RNF223: variants seen among roughly 807,000 people sequenced by gnomAD.
RNF223 encodes ring finger protein 223.
In RNF223, 10 loss-of-function variants were observed where a neutral mutation model predicts 13.9. The ratio of observed to expected loss-of-function variants is 0.72; its 90% CI spans 0.44 to 1.22. The LOEUF is 1.22. Ranked by LOEUF, RNF223 falls within the 50% of genes most tolerant of loss-of-function variation. RNF223 has a pLI of 0.00. For missense variants in RNF223, 379 were observed against 380.0 expected, an observed-to-expected ratio of 1.00 and a Z score of 0.02; for synonymous variants, 168 against 173.3, an observed-to-expected ratio of 0.97 and a Z score of 0.24.
chr1:1,071,821 TTATC>T lies in RNF223; in HGVS notation c.742_745del (p.Asp248IlefsTer102). 6.7e-7 allele frequency: 1 copy of T among 1,500,686 alleles called. No homozygotes were observed. The highest frequency in any genetic ancestry group is 8.8e-7 in the Non-Finnish European group (1 of 1,130,868). 93.0% of individuals were successfully genotyped at this position (1,500,686 alleles called of 1,614,324 possible). ...CCTGGGCAGAGGCTGCTGGCCCTAA[TTATC>T]AGTCAGAGGCCCGAGGGGGGAGGCG... On this transcript the variant is annotated frameshift_variant, in exon 2 of 2. Transcript: ENST00000453464. LOFTEE classifies it high-confidence loss of function.
At chr1:1,072,971 G>C (rs1645653561) in intron 1 of RNF223, among the ~76,000 whole-genome samples, 2 of 152,262 alleles carry the variant, frequency 1.3e-5, no homozygotes, top group South Asian at 4.1e-4. Flanking sequence ...GCTCTGCAAG[G>C]CTGGGCCCAC....
At position 1,071,933 on chromosome 1, in the gene RNF223, G is replaced by A; in HGVS notation, c.634C>T (p.Leu212Phe). ...ALLLMLFCVALWPVQCALKTG... is the reference protein window; with the variant it reads ...ALLLMLFCVAFWPVQCALKTG... Reference sequence around the variant, plus strand: ...TTGAGCGCGCACTGCACCGGCCAGAGTGCCACACAGAAGAGCATCAGCAGC... The same window carrying A: ...TTGAGCGCGCACTGCACCGGCCAGAATGCCACACAGAAGAGCATCAGCAGC... The change falls in exon 2 of 2, where the codon CTC (leucine) becomes TTC (phenylalanine). Residue 212 changes from leucine (L) to phenylalanine (F), a missense_variant. Leu to Phe is a conservative substitution (Grantham distance 22, BLOSUM62 0). Transcript: ENST00000453464. 2 of 1,534,396 alleles carry A rather than the reference G, an allele frequency of 1.3e-6. No individual in the cohort carries two copies. Among genetic ancestry groups the A allele is most frequent in the Non-Finnish European group, 8.7e-7 (1 of 1,146,162 alleles).
In RNF223 at chr1:1,072,529, G is replaced by A; in HGVS notation, c.38C>T (p.Pro13Leu). The A allele has an allele frequency of 1.2e-5, 19 of 1,531,928 alleles. No individual in the cohort carries two copies. The highest frequency in any genetic ancestry group is 1.7e-5 in the Non-Finnish European group (19 of 1,145,134). 94.9% of individuals were successfully genotyped at this position (1,531,928 alleles called of 1,614,324 possible). A position where few individuals can be genotyped will look rare whatever the true frequency, so the allele number is the denominator to read the frequency against. The stretch of plus-strand genomic sequence containing the variant: ...TATGGAGCTGCTCCGGCGAGGGGGT[G>A]GCACAGCCGTGTGCCACACCTGCTG... ...SGQQVWHTAVPPPRRSSSIAS... is the reference protein window; with the variant it reads ...SGQQVWHTAVLPPRRSSSIAS... The change falls in exon 2 of 2, where the codon CCA becomes CTA. Residue 13 changes from proline to leucine, a missense_variant. Coordinates refer to ENST00000453464, the MANE Select transcript of RNF223 (RefSeq NM_001205252.2).
rs1645644516 is a variant in RNF223, at chr1:1,072,103, G to A, written c.464C>T (p.Pro155Leu). 1 of 1,515,322 alleles carries A rather than the reference G, an allele frequency of 6.6e-7. No homozygotes were observed. The highest frequency in any genetic ancestry group is 1.2e-5 in the South Asian group (1 of 81,460). 93.9% of individuals were successfully genotyped at this position (1,515,322 alleles called of 1,614,324 possible). A position where few individuals can be genotyped will look rare whatever the true frequency, so the allele number is the denominator to read the frequency against. ...QPLPTTPGRE[P>L]GFVCVDVGLS... ...ACCCACGTCCACGCATACGAAACCGGGCTCGCGGCCAGGTGTGGTGGGCAG... is the reference window on the plus strand; with the variant it reads ...ACCCACGTCCACGCATACGAAACCGAGCTCGCGGCCAGGTGTGGTGGGCAG... The change falls in exon 2 of 2, where the codon CCC becomes CTC. Residue 155 changes from proline to leucine, a missense_variant. Physicochemically the swap from Pro to Leu is moderately conservative, Grantham distance 98. Coordinates refer to ENST00000453464, the MANE Select transcript of RNF223 (RefSeq NM_001205252.2).
chr1:1,073,847 G>A (rs758625912), intron 1 of RNF223, among the ~76,000 whole-genome samples, 169 bp downstream of exon 1: 2 of 152,168 alleles, frequency 1.3e-5, no homozygotes, highest in African/African-American at 4.8e-5. Flanking sequence ...GTCACACGCC[G>A]TCACTGTGAG....
chr1:1,071,250 G>C lies in RNF223; in HGVS notation c.*567C>G, dbSNP rs1645635936. ...GGGATGCTGACCAGCTGCTCTCCTGGACCCTTCCTGTACGAGCCTGTTTTT... is the reference window on the plus strand; with the variant it reads ...GGGATGCTGACCAGCTGCTCTCCTGCACCCTTCCTGTACGAGCCTGTTTTT... On this transcript the variant is annotated 3_prime_UTR_variant, in exon 2 of 2. Transcript: ENST00000453464. 1 of 152,476 alleles carries C rather than the reference G, an allele frequency of 6.6e-6. No homozygotes were observed. Among genetic ancestry groups the C allele is most frequent in the East Asian group, 1.9e-4 (1 of 5,182 alleles). The allele number at this position is 152,476 out of a possible 1,614,324, so 9.4% of individuals were successfully genotyped here.
At position 1,071,910 on chromosome 1, in the gene RNF223, G is replaced by A. The variant is rs1192998922; in HGVS notation, c.657C>T (p.Leu219=). Residue 219 remains leucine (L), a synonymous_variant, in exon 2 of 2, where the codon CTC becomes CTT. Transcript: ENST00000453464. Reference sequence around the variant, plus strand: ...GCAGGCAGCGCAGGTTCCCGGTCTTGAGCGCGCACTGCACCGGCCAGAGTG... The same window carrying A: ...GCAGGCAGCGCAGGTTCCCGGTCTTAAGCGCGCACTGCACCGGCCAGAGTG... ...CVALWPVQCA[L]KTGNLRCLPL... 2 of 1,534,188 alleles carry A rather than the reference G, an allele frequency of 1.3e-6. No homozygotes were observed. The highest frequency in any genetic ancestry group is 1.4e-5 in the African/African-American group (1 of 72,904).
intron 1 of RNF223, among the ~76,000 whole-genome samples, 173 bp from the exon 2 acceptor site, chr1:1,072,748 C>T (rs1645652114): frequency 6.6e-6 from 1 of 152,218 alleles, no homozygotes; most frequent in African/African-American, 2.4e-5. Flanking sequence ...ACGTGCAATC[C>T]TGTCCTCTCC....
Position 1,071,989 on chromosome 1 carries a change from T to TCCCTGCAGCGCG in RNF223, c.566_577dup (p.Ala189_Arg192dup), listed in dbSNP as rs781563683. The TCCCTGCAGCGCG allele has an allele frequency of 1.1e-5, 16 of 1,519,924 alleles. No individual in the cohort carries two copies. Among genetic ancestry groups the TCCCTGCAGCGCG allele is most frequent in the African/African-American group, 1.4e-5 (1 of 70,136 alleles). The allele number at this position is 1,519,924 out of a possible 1,614,324, so 94.2% of individuals were successfully genotyped here. A position where few individuals can be genotyped will look rare whatever the true frequency, so the allele number is the denominator to read the frequency against. On this transcript the variant is annotated inframe_insertion, in exon 2 of 2. Coordinates refer to ENST00000453464, the MANE Select transcript of RNF223 (RefSeq NM_001205252.2). Reference sequence around the variant, plus strand: ...AGAGACCAGTGCCATGCGCCTCCAGTCCCTGCAGCGCGCCCAGCAGCGGGC... The same window carrying TCCCTGCAGCGCG: ...AGAGACCAGTGCCATGCGCCTCCAGTCCCTGCAGCGCGCCCTGCAGCGCGCCCAGCAGCGGGC...
chr1:1,072,722 G>C (rs1645651928), intron 1 of RNF223, 147 bp from the exon 2 acceptor site: 1 of 661,846 alleles, frequency 1.5e-6, no homozygotes, highest in South Asian at 2.0e-5. Context: ...GGTGCCCCTG[G>C]AGGTCATTCT....
rs1005555472 is a variant in RNF223 at position 1,072,449 on chromosome 1, G to A, written c.118C>T (p.Pro40Ser). ...GGGGAGGCCACCCTCTCCGAGCCAG[G>A]GGTGCCAGGGGACCTGGGGCTGCCG... ...SAGSPRSPGT[P>S]GSERVASPLE... Residue 40 changes from proline (P) to serine (S), a missense_variant, in exon 2 of 2, where the codon CCT (proline) becomes TCT (serine). Transcript: ENST00000453464. 2.0e-6 allele frequency: 3 copies of A among 1,517,224 alleles called. No individual in the cohort carries two copies. The highest frequency in any genetic ancestry group is 4.2e-5 in the Admixed American group (2 of 47,342). 94.0% of individuals were successfully genotyped at this position (1,517,224 alleles called of 1,614,324 possible).
rs1027976966 is a variant in RNF223 at position 1,072,225 on chromosome 1, C to A, written c.342G>T (p.Ala114=). The A allele has an allele frequency of 2.0e-6, 3 of 1,468,094 alleles. No homozygotes were observed. The highest frequency in any genetic ancestry group is 2.9e-5 in the African/African-American group (2 of 68,274). The allele number at this position is 1,468,094 out of a possible 1,614,324, so 90.9% of individuals were successfully genotyped here. The stretch of plus-strand genomic sequence containing the variant: ...CCTGCAGCTGGCGGCTGGTGCACAG[C>A]GCGGGGGCTCCGGCGGGCGGCACGG... ...PTAVPPAGAP[A]LCTSRQLQAR... The change falls in exon 2 of 2, where the codon GCG becomes GCT. Residue 114 remains alanine (A), a synonymous_variant. Coordinates refer to ENST00000453464, the MANE Select transcript of RNF223 (RefSeq NM_001205252.2).
chr1:1,071,571 G>A lies in RNF223; in HGVS notation c.*246C>T. 2 of 443,016 alleles carry A rather than the reference G, an allele frequency of 4.5e-6. No individual in the cohort carries two copies. Among genetic ancestry groups the A allele is most frequent in the Non-Finnish European group, 7.9e-6 (2 of 252,886 alleles). 27.4% of individuals were successfully genotyped at this position (443,016 alleles called of 1,614,324 possible). ...GTGAGCCACCGCGCCCGGTGAGACT[G>A]TGGTTCTTGGAGGCTTTGGGGATCC... On this transcript the variant is annotated 3_prime_UTR_variant, in exon 2 of 2. Coordinates refer to ENST00000453464, the MANE Select transcript of RNF223 (RefSeq NM_001205252.2).
rs1229164174 is a variant in RNF223, at chr1:1,074,218, C to T, written c.-212G>A. On this transcript the variant is annotated 5_prime_UTR_variant, in exon 1 of 2. Coordinates refer to ENST00000453464, the MANE Select transcript of RNF223 (RefSeq NM_001205252.2). ...GGTGGCACTGGTCTGGCAGGTGTGG[C>T]TTCTGCTCTGTCCAAGACAGGCGGG... The T allele has an allele frequency of 6.6e-6, 1 of 152,336 alleles. No individual in the cohort carries two copies. The highest frequency in any genetic ancestry group is 1.5e-5 in the Non-Finnish European group (1 of 68,142). The allele number at this position is 152,336 out of a possible 1,614,324, so 9.4% of individuals were successfully genotyped here. A position where few individuals can be genotyped will look rare whatever the true frequency, so the allele number is the denominator to read the frequency against.
intron 1 of RNF223, among the ~76,000 whole-genome samples, chr1:1,073,031 T>G (rs1260649313): frequency 6.6e-6 from 1 of 152,214 alleles, no homozygotes; most frequent in Non-Finnish European, 1.5e-5. Flanking sequence ...GCCCAGAGCA[T>G]GGGTGACTCG....
At position 1,074,115 on chromosome 1, in the gene RNF223, C is replaced by G. The variant is rs879691650; in HGVS notation, c.-109G>C. 2 of 152,268 alleles carry G rather than the reference C, an allele frequency of 1.3e-5. No individual in the cohort carries two copies. The highest frequency in any genetic ancestry group is 2.9e-5 in the Non-Finnish European group (2 of 68,106). 9.4% of individuals were successfully genotyped at this position (152,268 alleles called of 1,614,324 possible). A position where few individuals can be genotyped will look rare whatever the true frequency, so the allele number is the denominator to read the frequency against. On this transcript the variant is annotated 5_prime_UTR_variant, in exon 1 of 2. Coordinates refer to ENST00000453464, the MANE Select transcript of RNF223 (RefSeq NM_001205252.2). ...GCCCTGCCGTGGCAGTGTCTGCTTC[C>G]TCTTCTCCGGGCCCGGCCCGGCCTG...
rs1396850397 is a variant in RNF223, at chr1:1,072,506, T to C, written c.61A>G (p.Ile21Val). The C allele has an allele frequency of 5.9e-6, 9 of 1,532,476 alleles. No homozygotes were observed. The highest frequency in any genetic ancestry group is 1.7e-4 in the Middle Eastern group (1 of 5,972). The allele number at this position is 1,532,476 out of a possible 1,614,324, so 94.9% of individuals were successfully genotyped here. A position where few individuals can be genotyped will look rare whatever the true frequency, so the allele number is the denominator to read the frequency against. Residue 21 changes from isoleucine to valine, a missense_variant, in exon 2 of 2, where the codon ATA becomes GTA. Physicochemically the swap from Ile to Val is conservative, Grantham distance 29. Transcript: ENST00000453464. ...AVPPPRRSSS[I>V]ASMPRSPSSA... ...CTGGGGGACCTGGGCATCGAGGCTA[T>C]GGAGCTGCTCCGGCGAGGGGGTGGC... is the stretch of plus-strand genomic sequence containing the variant.
chr1:1,072,336 C>T lies in RNF223; in HGVS notation c.231G>A (p.Glu77=), dbSNP rs1645647537. 8 of 1,450,700 alleles carry T rather than the reference C, an allele frequency of 5.5e-6. No homozygotes were observed. The highest frequency in any genetic ancestry group is 6.3e-6 in the Non-Finnish European group (7 of 1,109,036). The allele number at this position is 1,450,700 out of a possible 1,614,324, so 89.9% of individuals were successfully genotyped here. A position where few individuals can be genotyped will look rare whatever the true frequency, so the allele number is the denominator to read the frequency against. Residue 77 remains glutamate (E), a synonymous_variant, in exon 2 of 2, where the codon GAG becomes GAA. Transcript: ENST00000453464. ...ELSCTHVFCL[E]CLARLAAAQP... Reference sequence around the variant, plus strand: ...GAGCAGCCGCCAGCCGGGCCAGGCACTCCAGGCAGAAGACGTGGGTGCAGG... The same window carrying T: ...GAGCAGCCGCCAGCCGGGCCAGGCATTCCAGGCAGAAGACGTGGGTGCAGG...
At chr1:1,072,736 C>G (rs1335049695) in intron 1 of RNF223, among the ~76,000 whole-genome samples, 161 bp from the exon 2 acceptor site, 1 of 152,176 alleles carries the variant, frequency 6.6e-6, no homozygotes, top group African/African-American at 2.4e-5. Context: ...TCATTCTGCC[C>G]CACGTGCAAT....
Sources: allele counts gnomAD v4.1 joint callset (sites outside exome capture counted in the v4.1 genomes callset), GRCh38; gene constraint gnomAD v4.1.1; transcripts MANE v1.5; gene names NCBI Gene and HGNC (gene_info 2026-07-23, HGNC 2026-07-21).